NAA60: variants seen among roughly 807,000 people sequenced by gnomAD.
NAA60 encodes the protein N-alpha-acetyltransferase 60, NatF catalytic subunit.
Under a neutral mutation model 26.1 loss-of-function variants are expected in NAA60, and 8 were observed. The ratio of observed to expected loss-of-function variants is 0.31; its 90% CI spans 0.18 to 0.55. The LOEUF (loss-of-function observed/expected upper bound fraction) is 0.55. NAA60 is among the 20% of genes least tolerant of loss of function. The probability of loss-of-function intolerance (pLI) is 0.93; values close to 1 mark genes in which losing one functional copy is unlikely to be tolerated. For missense variants in NAA60, 290 were observed against 311.3 expected, an observed-to-expected ratio of 0.93 and a Z score of 0.51; for synonymous variants, 131 against 122.5, an observed-to-expected ratio of 1.07 and a Z score of -0.46.
At chr16:3,446,421 C>T (rs1020813869) in intron 1 of NAA60, among the ~76,000 whole-genome samples, 1 of 151,150 alleles carries the variant, frequency 6.6e-6, no homozygotes, top group Non-Finnish European at 1.5e-5. Context: ...GTCCCAGCTA[C>T]TCGGGAGGCT....
intron 2 of NAA60, chr16:3,458,286 C>A: frequency 1.3e-6 from 1 of 750,880 alleles, no homozygotes; most frequent in Non-Finnish European, 1.6e-6. Flanking sequence ...CCAGCGCCCA[C>A]CGGGTACGAG....
At chr16:3,458,615 G>A (rs1041891062) in intron 2 of NAA60, among the ~76,000 whole-genome samples, 1 of 152,208 alleles carries the variant, frequency 6.6e-6, no homozygotes, top group African/African-American at 2.4e-5. Flanking sequence ...CGCCTGGCCT[G>A]GTCAGGGCCT....
At chr16:3,474,712 C>T (rs1040577235) in intron 2 of NAA60, among the ~76,000 whole-genome samples, 7 of 152,232 alleles carry the variant, frequency 4.6e-5, no homozygotes, top group African/African-American at 1.4e-4. Context: ...ACACCTTGCA[C>T]CTGCCCCCAG....
At chr16:3,483,931 G>A in intron 6 of NAA60, 1 of 344,228 alleles carries the variant, frequency 2.9e-6, no homozygotes, top group South Asian at 3.5e-5. Flanking sequence ...GATCAGCAGT[G>A]CACAAAACGG....
intron 4 of NAA60, among the ~76,000 whole-genome samples, chr16:3,479,839 G>A (rs745610982): frequency 3.9e-5 from 6 of 152,134 alleles, no homozygotes; most frequent in African/African-American, 9.7e-5. Flanking sequence ...AACCACTGTC[G>A]TTCTGAAGCA....
rs747393360 is a variant in NAA60, at chr16:3,485,426, C to T, written c.*207-41C>T. 166 of 460,284 alleles carry T rather than the reference C, an allele frequency of 3.6e-4. 1 individual carries two copies. The highest frequency in any genetic ancestry group is 2.6e-3 in the Middle Eastern group (8 of 3,102). 28.5% of individuals were successfully genotyped at this position (460,284 alleles called of 1,614,324 possible). ...GGGTGTGGGGTGGGCAGAGTGTCTC[C>T]GCCGGGCCTTCACCCTGCCCTGCTC... On this transcript the variant is annotated intron_variant, in intron 7 of 7. Coordinates refer to ENST00000407558, the MANE Select transcript of NAA60 (RefSeq NM_001083601.3).
chr16:3,452,686 G>A (rs886852975), intron 2 of NAA60, among the ~76,000 whole-genome samples: 2 of 151,556 alleles, frequency 1.3e-5, no homozygotes, highest in Non-Finnish European at 2.9e-5. Context: ...GTTGAGCATG[G>A]TGGCTCACAC....
chr16:3,454,047 C>G (rs1432990904), intron 2 of NAA60, among the ~76,000 whole-genome samples: 1 of 152,056 alleles, frequency 6.6e-6, no homozygotes, highest in Non-Finnish European at 1.5e-5. Context: ...GGAAAGAGGC[C>G]TAGGGTGAAA....
intron 2 of NAA60, among the ~76,000 whole-genome samples, chr16:3,462,917 A>G (rs1201826949): frequency 6.6e-6 from 1 of 152,206 alleles, no homozygotes; most frequent in Admixed American, 6.5e-5. Flanking sequence ...GTTTTTTTGA[A>G]ATGGTTGTCT....
At chr16:3,470,666 G>A (rs2036074154) in intron 2 of NAA60, among the ~76,000 whole-genome samples, 1 of 139,350 alleles carries the variant, frequency 7.2e-6, no homozygotes, top group African/African-American at 2.5e-5. Flanking sequence ...AGGGGCCAGT[G>A]GGGTTGGGGG....
chr16:3,464,555 G>C (rs2035618004), intron 2 of NAA60, among the ~76,000 whole-genome samples: 1 of 152,074 alleles, frequency 6.6e-6, no homozygotes, highest in Admixed American at 6.5e-5. Context: ...CGGTACAGAG[G>C]GTTTCCTGTA....
At chr16:3,454,517 C>A (rs1476932694) in intron 2 of NAA60, among the ~76,000 whole-genome samples, 1 of 151,734 alleles carries the variant, frequency 6.6e-6, no homozygotes, top group Non-Finnish European at 1.5e-5. Flanking sequence ...CTTTATGGAA[C>A]CAAAAAGCTT....
intron 4 of NAA60, among the ~76,000 whole-genome samples, chr16:3,480,057 C>G (rs563685874): frequency 1.3e-5 from 2 of 152,078 alleles, no homozygotes; most frequent in African/African-American, 4.8e-5. Flanking sequence ...TCTAAGAACC[C>G]TTTGGGCATC....
At chr16:3,471,865 T>C (rs1351721060) in intron 2 of NAA60, among the ~76,000 whole-genome samples, 1 of 152,166 alleles carries the variant, frequency 6.6e-6, no homozygotes, top group Admixed American at 6.5e-5. Flanking sequence ...GGCCGTGTGC[T>C]GGGGCCCTTG....
chr16:3,475,832 C>T (rs2036445528), intron 2 of NAA60, among the ~76,000 whole-genome samples: 1 of 152,272 alleles, frequency 6.6e-6, no homozygotes, highest in Non-Finnish European at 1.5e-5. Flanking sequence ...CCACAACTGT[C>T]ACTGGCAGCC....
At position 3,485,601 on chromosome 16, in the gene NAA60, C is replaced by T; in HGVS notation, c.*341C>T. ...GGAGGGGCCTGCCCTCACTGGGCCTCTCCCACTCCGCTGCCTGTTCTTGCA... is the reference window on the plus strand; with the variant it reads ...GGAGGGGCCTGCCCTCACTGGGCCTTTCCCACTCCGCTGCCTGTTCTTGCA... On this transcript the variant is annotated 3_prime_UTR_variant, in exon 8 of 8. Transcript: ENST00000407558. 1 of 456,332 alleles carries T rather than the reference C, an allele frequency of 2.2e-6. No individual in the cohort carries two copies. The highest frequency in any genetic ancestry group is 4.4e-6 in the Non-Finnish European group (1 of 226,778). The allele number at this position is 456,332 out of a possible 1,614,324, so 28.3% of individuals were successfully genotyped here.
At position 3,445,588 on chromosome 16, in the gene NAA60, T is replaced by C. The variant is rs533839222; in HGVS notation, c.-77+1751T>C. Among the ~76,000 whole-genome samples, 4 of 152,210 alleles carry C rather than the reference T, an allele frequency of 2.6e-5. No individual in the cohort carries two copies. The South Asian group carries it at 8.3e-4, about 32-fold the overall frequency. ...CCGCGCCCCGCCTATTTAATGCTATTCTTACATCAGCACTGTCTCATTGTG... is the reference window on the plus strand; with the variant it reads ...CCGCGCCCCGCCTATTTAATGCTATCCTTACATCAGCACTGTCTCATTGTG... On this transcript the variant is annotated intron_variant, in intron 1 of 7. Transcript: ENST00000407558.
At chr16:3,473,523 T>C (rs2036282689) in intron 2 of NAA60, among the ~76,000 whole-genome samples, 1 of 152,036 alleles carries the variant, frequency 6.6e-6, no homozygotes, top group Non-Finnish European at 1.5e-5. Context: ...TCCCAGAACA[T>C]GTGGGAATTT....
At chr16:3,457,379 C>A (rs545465151) in intron 2 of NAA60, among the ~76,000 whole-genome samples, 1 of 152,284 alleles carries the variant, frequency 6.6e-6, no homozygotes, top group South Asian at 2.1e-4. Flanking sequence ...GAGGCGGAGG[C>A]CAGGAGTTGG....
Sources: gnomAD v4.1 joint callset for allele counts (sites outside exome capture counted in the v4.1 genomes callset) on GRCh38, gnomAD v4.1.1 for gene constraint, MANE v1.5 for transcripts, NCBI Gene and HGNC (gene_info 2026-07-23, HGNC 2026-07-21) for gene names.